The following CPVL variants were observed in gnomAD, a reference collection of about 807,000 sequenced individuals.
The protein encoded by CPVL is carboxypeptidase vitellogenic like.
In CPVL, 51 loss-of-function variants were observed where a neutral mutation model predicts 63.7. That is an observed-to-expected ratio of 0.80 (90% CI 0.64 to 1.01). The LOEUF (loss-of-function observed/expected upper bound fraction) is 1.01. CPVL is among the 50% of genes least tolerant of loss of function. CPVL has a pLI of 0.00. For missense variants in CPVL, 530 were observed against 573.1 expected (o/e 0.92, Z 0.77); for synonymous variants, 195 against 206.0 (o/e 0.95, Z 0.46).
At chr7:29,030,500 C>A in intron 12 of CPVL, 77 bp downstream of exon 12, 2 of 1,408,754 alleles carry the variant, frequency 1.4e-6, no homozygotes, top group African/African-American at 2.8e-5. Context: ...TCGGCCATGT[C>A]TCATTGCTAT....
At chr7:29,149,193 T>TTA (rs1793224945), upstream of CPVL, among the ~76,000 whole-genome samples, 1 of 142,084 alleles carries the variant, frequency 7.0e-6, no homozygotes, top group Non-Finnish European at 1.5e-5. Context: ...GTTTCCCTTT[T>TTA]TTTTTTTTTT....
At chr7:29,123,597 GAAAAAAAAAAAAA>G (rs778757980) in intron 1 of CPVL, among the ~76,000 whole-genome samples, 3 of 41,256 alleles carry the variant, frequency 7.3e-5, no homozygotes, top group Non-Finnish European at 1.4e-4. Flanking sequence ...AACTGGTTCA[GAAAAAAAAAAAAA>G]AAAAAAAAAA....
At chr7:29,057,662 G>A (rs1317271630) in intron 11 of CPVL, among the ~76,000 whole-genome samples, 1 of 152,104 alleles carries the variant, frequency 6.6e-6, no homozygotes, top group Non-Finnish European at 1.5e-5. Flanking sequence ...TCCATTCAGA[G>A]AACATTTTTG....
chr7:29,171,138 T>TC (rs371817621), intron 5 of CPVL, among the ~76,000 whole-genome samples: 1 of 152,076 alleles, frequency 6.6e-6, no homozygotes, highest in African/African-American at 2.4e-5. Context: ...ACTGCCGGTT[T>TC]CCCCCCAGTT....
At chr7:29,038,756 G>A (rs1284001192) in intron 11 of CPVL, among the ~76,000 whole-genome samples, 1 of 152,208 alleles carries the variant, frequency 6.6e-6, no homozygotes, top group Non-Finnish European at 1.5e-5. Flanking sequence ...AAAAAGATCA[G>A]TAGGTCTCAA....
chr7:29,042,365 A>C (rs1789189831), intron 11 of CPVL, among the ~76,000 whole-genome samples: 1 of 152,144 alleles, frequency 6.6e-6, no homozygotes, highest in African/African-American at 2.4e-5. Context: ...CACTGTGGGA[A>C]GCTGAGGTAG....
At chr7:29,128,162 CA>C (rs1790245793) in intron 1 of CPVL, 1 of 129,342 alleles carries the variant, frequency 7.7e-6, no homozygotes, top group Non-Finnish European at 1.6e-5. Context: ...AAAAAAACAA[CA>C]AAAAGTTAAG....
intron 7 of CPVL, chr7:29,080,428 C>T (rs1314642458): frequency 1.3e-5 from 2 of 151,666 alleles, no homozygotes; most frequent in African/African-American, 4.8e-5. Context: ...CATGGTGGCA[C>T]GTGCCTGTAA....
intron 1 of CPVL, chr7:29,194,733 C>T: frequency 4.5e-6 from 2 of 440,050 alleles, no homozygotes; most frequent in Non-Finnish European, 7.8e-6. Flanking sequence ...CGGAGCGGGA[C>T]GGAAACCACA....
chr7:29,009,790 G>A (rs1270117677), intron 12 of CPVL: 2 of 152,098 alleles, frequency 1.3e-5, no homozygotes. Context: ...TACCTCCAGG[G>A]GTAATTAGGA....
At chr7:29,058,651 C>T (rs1304791990) in intron 11 of CPVL, among the ~76,000 whole-genome samples, 2 of 152,062 alleles carry the variant, frequency 1.3e-5, no homozygotes, top group Non-Finnish European at 2.9e-5. Context: ...TTGAGGAATA[C>T]TTTTGCAAGG....
chr7:29,006,372 G>A (rs1475478191), intron 12 of CPVL, among the ~76,000 whole-genome samples: 1 of 152,118 alleles, frequency 6.6e-6, no homozygotes. Flanking sequence ...TCCACCTATC[G>A]TAAATTACAA....
At chr7:29,143,509 A>T (rs1206869678) in intron 1 of CPVL, among the ~76,000 whole-genome samples, 1 of 152,168 alleles carries the variant, frequency 6.6e-6, no homozygotes, top group Non-Finnish European at 1.5e-5. Flanking sequence ...ATCGCTTGGG[A>T]CCTGGGTTAC....
intron 4 of CPVL, among the ~76,000 whole-genome samples, chr7:29,184,249 CTATA>C (rs1208640411): frequency 6.7e-6 from 1 of 149,422 alleles, no homozygotes; most frequent in Non-Finnish European, 1.5e-5. Context: ...CATATACAAT[CTATA>C]TATAAGATAT....
chr7:29,140,968 T>C lies in CPVL; in HGVS notation c.-11+5461A>G, dbSNP rs541703729. On this transcript the variant is annotated intron_variant, in intron 1 of 12. Transcript: ENST00000265394. Reference sequence around the variant, plus strand: ...AACTCAGGGAAGTAGGAAGGTTGCATGACCTTTGTACCAGCTTTAGGGGCT... The same window carrying C: ...AACTCAGGGAAGTAGGAAGGTTGCACGACCTTTGTACCAGCTTTAGGGGCT... Among the ~76,000 whole-genome samples the C allele has an allele frequency of 8.5e-5, 13 of 152,326 alleles. No homozygotes were observed. The East Asian group carries it at 1.7e-3, about 20-fold the overall frequency.
chr7:29,112,720 C>T lies in CPVL; in HGVS notation c.272G>A (p.Trp91Ter), dbSNP rs924391501. 2.5e-5 allele frequency: 40 copies of T among 1,612,060 alleles called. 3 individuals are homozygous for T. The South Asian group carries it at 4.4e-4, about 18-fold the overall frequency. ...GGCACCTACCTGAGCTGGGAAGAACCAGAAGAAGAGGTTGCTGTTGTAAGT... is the reference window on the plus strand; with the variant it reads ...GGCACCTACCTGAGCTGGGAAGAACTAGAAGAAGAGGTTGCTGTTGTAAGT... ...NKTYNSNLFF[W>*]FFPAQIQPED... is the part of the protein sequence containing the mutation. The change falls in exon 3 of 13, where the codon TGG becomes TAG. Residue 91 changes from tryptophan (W) to a stop codon, truncating the protein, a stop_gained. Transcript: ENST00000265394. LOFTEE classifies it high-confidence loss of function.
chr7:29,143,349 T>C (rs1792105303), intron 1 of CPVL, among the ~76,000 whole-genome samples: 1 of 152,232 alleles, frequency 6.6e-6, no homozygotes, highest in Non-Finnish European at 1.5e-5. Flanking sequence ...GATTAATCAA[T>C]TGAAATCAAT....
intron 1 of CPVL, among the ~76,000 whole-genome samples, chr7:29,124,380 T>C (rs993690109): frequency 6.6e-6 from 1 of 152,166 alleles, no homozygotes. Flanking sequence ...TCAAACAAAA[T>C]GTTCTTCTTA....
intron 5 of CPVL, among the ~76,000 whole-genome samples, chr7:29,093,377 C>CAAAAAAAA (rs371165878): frequency 1.4e-5 from 1 of 70,016 alleles, no homozygotes; most frequent in Non-Finnish European, 2.6e-5. Context: ...ACTCCGTCTC[C>CAAAAAAAA]AAAAAAAAAA....
Sources: gnomAD v4.1 joint callset for allele counts (sites outside exome capture counted in the v4.1 genomes callset) on GRCh38, gnomAD v4.1.1 for gene constraint, MANE v1.5 for transcripts, NCBI Gene and HGNC (gene_info 2026-07-23, HGNC 2026-07-21) for gene names.